Variants in NELL2 observed in about 807,000 individuals in gnomAD.
NELL2 encodes protein kinase C-binding protein NELL2.
Under a neutral mutation model 109.6 loss-of-function variants are expected in NELL2, and 41 were observed. The observed-to-expected ratio is 0.37, with a 90% CI of 0.29 to 0.49. The LOEUF (loss-of-function observed/expected upper bound fraction) is 0.49, where lower values mean the gene tolerates loss of function less well. Among genes scored for constraint, NELL2 ranks in the 20% least tolerant of loss-of-function variants. The pLI is 0.98. For missense variants in NELL2, 900 were observed against 1,008.3 expected, an observed-to-expected ratio of 0.89 and a Z score of 1.45; for synonymous variants, 355 against 344.7, an observed-to-expected ratio of 1.03 and a Z score of -0.33.
chr12:44,688,788 G>A (rs769793365), intron 12 of NELL2, among the ~76,000 whole-genome samples: 28 of 152,304 alleles, frequency 1.8e-4, no homozygotes, highest in Non-Finnish European at 2.5e-4. Context: ...TCTGCAAAGT[G>A]TGTATTCACA....
chr12:44,521,883 T>G (rs954874066), intron 18 of NELL2, 117 bp downstream of exon 18: 21 of 986,028 alleles, frequency 2.1e-5, no homozygotes, highest in Non-Finnish European at 2.9e-5. Flanking sequence ...GCTCACTGTT[T>G]ATAACTGTCA....
intron 9 of NELL2, among the ~76,000 whole-genome samples, chr12:44,765,896 G>T (rs966877510): frequency 1.3e-5 from 2 of 152,096 alleles, no homozygotes; most frequent in African/African-American, 4.8e-5. Context: ...AGGCCGAGGT[G>T]GGCAGATCAC....
intron 14 of NELL2, among the ~76,000 whole-genome samples, chr12:44,610,170 A>G (rs1354914330): frequency 6.6e-6 from 1 of 151,774 alleles, no homozygotes; most frequent in Non-Finnish European, 1.5e-5. Context: ...ATAGGAAACT[A>G]TAACATGTAG....
chr12:44,886,965 T>C (rs902399904), intron 1 of NELL2, among the ~76,000 whole-genome samples: 1 of 152,040 alleles, frequency 6.6e-6, no homozygotes, highest in Non-Finnish European at 1.5e-5. Flanking sequence ...ACCTCCTATT[T>C]ACTGAATATT....
chr12:44,809,908 C>T (rs1181940637), intron 3 of NELL2, among the ~76,000 whole-genome samples: 1 of 152,014 alleles, frequency 6.6e-6, no homozygotes, highest in Non-Finnish European at 1.5e-5. Context: ...GCATTAACAC[C>T]GTGGCTGAGA....
At chr12:44,875,753 G>A in intron 1 of NELL2, 62 bp downstream of exon 1, 1 of 1,611,196 alleles carries the variant, frequency 6.2e-7, no homozygotes, top group Non-Finnish European at 8.5e-7. Context: ...TCCCCAGCCA[G>A]CCCATGCTGC....
chr12:44,510,012 A>G (rs973238412), intron 19 of NELL2, among the ~76,000 whole-genome samples: 12 of 152,162 alleles, frequency 7.9e-5, no homozygotes, highest in African/African-American at 2.9e-4. Flanking sequence ...ATAAATAGGC[A>G]GGGAAGGGCC....
chr12:44,784,949 G>T (rs1379245348), intron 3 of NELL2, among the ~76,000 whole-genome samples: 4 of 152,184 alleles, frequency 2.6e-5, no homozygotes, highest in Non-Finnish European at 4.4e-5. Flanking sequence ...AAAGCTGGAA[G>T]CATTCCCTTT....
chr12:44,696,142 A>G (rs1949057724), intron 12 of NELL2, among the ~76,000 whole-genome samples: 1 of 152,262 alleles, frequency 6.6e-6, no homozygotes, highest in Admixed American at 6.5e-5. Context: ...ATAGCATTAC[A>G]AAGACAGGAA....
chr12:44,614,718 A>T (rs1945756498), intron 13 of NELL2, among the ~76,000 whole-genome samples: 1 of 152,048 alleles, frequency 6.6e-6, no homozygotes, highest in Non-Finnish European at 1.5e-5. Context: ...AATAACATGG[A>T]CTTAAGATGA....
intron 14 of NELL2, among the ~76,000 whole-genome samples, chr12:44,607,617 A>G: frequency 6.6e-6 from 1 of 152,084 alleles, no homozygotes; most frequent in Non-Finnish European, 1.5e-5. Flanking sequence ...TCCTAGATGG[A>G]GCAAACCACC....
chr12:44,614,854 A>G (rs1343337743), intron 13 of NELL2, among the ~76,000 whole-genome samples: 1 of 152,122 alleles, frequency 6.6e-6, no homozygotes, highest in Non-Finnish European at 1.5e-5. Flanking sequence ...ACAATAGAAC[A>G]TAATCCATGC....
At chr12:44,897,666 T>C (rs563664518) in intron 1 of NELL2, among the ~76,000 whole-genome samples, 1 of 152,112 alleles carries the variant, frequency 6.6e-6, no homozygotes, top group South Asian at 2.1e-4. Context: ...ACCAGGGCCC[T>C]GGCTTTCAAG....
chr12:44,555,447 G>C, intron 15 of NELL2, among the ~76,000 whole-genome samples: 2 of 152,106 alleles, frequency 1.3e-5, no homozygotes, highest in East Asian at 3.9e-4. Context: ...TAAACATTGA[G>C]TGGAAGAATA....
intron 2 of NELL2, among the ~76,000 whole-genome samples, chr12:44,833,796 T>C (rs964835846): frequency 6.6e-6 from 1 of 152,186 alleles, no homozygotes; most frequent in Non-Finnish European, 1.5e-5. Context: ...CAAAGGTTTA[T>C]GGGAGGTCCT....
chr12:44,609,604 G>A (rs1252657923), intron 14 of NELL2, among the ~76,000 whole-genome samples: 1 of 152,046 alleles, frequency 6.6e-6, no homozygotes, highest in African/African-American at 2.4e-5. Context: ...CTCAGGATTT[G>A]TTTAGTTTTT....
chr12:44,734,979 A>G (rs997333864), intron 9 of NELL2, among the ~76,000 whole-genome samples: 1 of 152,234 alleles, frequency 6.6e-6, no homozygotes, highest in East Asian at 1.9e-4. Context: ...AAGGGATGGA[A>G]CTACTCCCTT....
At chr12:44,755,192 T>A (rs977506224) in intron 9 of NELL2, among the ~76,000 whole-genome samples, 1 of 151,550 alleles carries the variant, frequency 6.6e-6, no homozygotes, top group Admixed American at 6.6e-5. Context: ...ACATGCCCCA[T>A]GGACTTCCCA....
intron 2 of NELL2, among the ~76,000 whole-genome samples, chr12:44,828,715 A>G (rs1420250659): frequency 6.6e-6 from 1 of 152,022 alleles, no homozygotes; most frequent in East Asian, 1.9e-4. Flanking sequence ...AAGTCAGGAT[A>G]TGGGGGTGGG....
Sources: gnomAD v4.1 joint callset for allele counts (sites outside exome capture counted in the v4.1 genomes callset) on GRCh38, gnomAD v4.1.1 for gene constraint, MANE v1.5 for transcripts, NCBI Gene and HGNC (gene_info 2026-07-23, HGNC 2026-07-21) for gene names.